CSMD3: variants seen among roughly 807,000 people sequenced by gnomAD.
CSMD3 encodes the protein CUB and sushi domain-containing protein 3.
A neutral mutation model predicts 435.2 loss-of-function variants in CSMD3; 177 were observed. The observed-to-expected ratio is 0.41, with a 90% CI of 0.36 to 0.46. The LOEUF is 0.46. Among genes scored for constraint, CSMD3 ranks in the 20% least tolerant of loss-of-function variants. The pLI, the probability that CSMD3 is intolerant of heterozygous loss-of-function variation, is 0.34. For missense variants in CSMD3, 4,265 were observed against 4,504.6 expected, an observed-to-expected ratio of 0.95 and a Z score of 1.52; for synonymous variants, 1,656 against 1,520.5, an observed-to-expected ratio of 1.09 and a Z score of -2.07.
At chr8:112,743,235 G>A (rs1235319953) in intron 13 of CSMD3, among the ~76,000 whole-genome samples, 1 of 151,342 alleles carries the variant, frequency 6.6e-6, no homozygotes, top group South Asian at 2.1e-4. Flanking sequence ...GTGGAAAATA[G>A]TTTAAAATAA....
chr8:112,487,651 A>G (rs999954746), intron 31 of CSMD3, among the ~76,000 whole-genome samples: 1 of 152,176 alleles, frequency 6.6e-6, no homozygotes, highest in Non-Finnish European at 1.5e-5. Flanking sequence ...AGAACAAAGG[A>G]AGGAGAAAAA....
chr8:112,516,475 T>C (rs1025960826), intron 28 of CSMD3, among the ~76,000 whole-genome samples: 5 of 152,132 alleles, frequency 3.3e-5, no homozygotes, highest in Non-Finnish European at 7.4e-5. Flanking sequence ...TTGTTTTAAT[T>C]TTCTAGAGTC....
At chr8:113,317,549 T>A (rs2093919393) in intron 1 of CSMD3, among the ~76,000 whole-genome samples, 1 of 152,222 alleles carries the variant, frequency 6.6e-6, no homozygotes, top group Non-Finnish European at 1.5e-5. Context: ...TCTGTATTCT[T>A]CTTTTTACTT....
rs2087786672 is a variant in CSMD3, at chr8:113,045,376, T to C, written c.918-26197A>G. On this transcript the variant is annotated intron_variant, in intron 5 of 70. Coordinates refer to ENST00000297405, the MANE Select transcript of CSMD3 (RefSeq NM_198123.2). ...TTTCAACCAAAACGTCTCACGTTAT[T>C]GTCTTTTTGTCCTAACACAAACTTT... Among the ~76,000 whole-genome samples, 7 of 149,250 alleles carry C rather than the reference T, an allele frequency of 4.7e-5. No individual in the cohort carries two copies. In the South Asian group the frequency reaches 1.5e-3, roughly 32 times the overall value.
intron 3 of CSMD3, among the ~76,000 whole-genome samples, chr8:113,197,558 T>C (rs1355565195): frequency 6.6e-6 from 1 of 151,200 alleles, no homozygotes; most frequent in Non-Finnish European, 1.5e-5. Context: ...TGTAATGATG[T>C]TGAGTCCACT....
chr8:113,001,884 T>G (rs1452355214), intron 6 of CSMD3, among the ~76,000 whole-genome samples: 2 of 151,972 alleles, frequency 1.3e-5, no homozygotes, highest in Non-Finnish European at 2.9e-5. Flanking sequence ...GCAAAGTACA[T>G]AGTACATTGT....
At position 113,156,492 on chromosome 8, in the gene CSMD3, T is replaced by C. The variant is rs187756356; in HGVS notation, c.709+17230A>G. 3.8e-3 allele frequency among the ~76,000 whole-genome samples: 585 copies of C among 152,012 alleles called. 8 individuals are homozygous for C. Among genetic ancestry groups the C allele is most frequent in the African/African-American group, 0.014 (563 of 41,522 alleles). On this transcript the variant is annotated intron_variant, in intron 4 of 70. Coordinates refer to ENST00000297405, the MANE Select transcript of CSMD3 (RefSeq NM_198123.2). ...ATATCTGTATCCCCAATGCCTAGCA[T>C]ACTAAAAAAAAATTAATATATTGTT...
At chr8:113,227,316 A>T (rs1247736000) in intron 3 of CSMD3, among the ~76,000 whole-genome samples, 1 of 151,640 alleles carries the variant, frequency 6.6e-6, no homozygotes, top group Non-Finnish European at 1.5e-5. Flanking sequence ...ATTCTAGGAC[A>T]TGTGCCTTAC....
At chr8:112,888,854 T>G (rs2081691668) in intron 10 of CSMD3, among the ~76,000 whole-genome samples, 1 of 151,570 alleles carries the variant, frequency 6.6e-6, no homozygotes, top group South Asian at 2.1e-4. Context: ...GAGGTGCACC[T>G]GCATGAAACT....
intron 10 of CSMD3, among the ~76,000 whole-genome samples, chr8:112,869,420 T>C (rs1257222748): frequency 6.6e-6 from 1 of 152,194 alleles, no homozygotes; most frequent in African/African-American, 2.4e-5. Context: ...TCAAATATTA[T>C]TTCTGGGTAT....
chr8:113,400,806 G>A (rs1392357286), intron 1 of CSMD3, among the ~76,000 whole-genome samples: 1 of 151,824 alleles, frequency 6.6e-6, no homozygotes, highest in Non-Finnish European at 1.5e-5. Context: ...TGGTTAAATA[G>A]AGCTCCCCTA....
chr8:112,480,184 C>A (rs1406979220), intron 31 of CSMD3, among the ~76,000 whole-genome samples: 2 of 152,164 alleles, frequency 1.3e-5, no homozygotes, highest in African/African-American at 2.4e-5. Context: ...AGAATATTGA[C>A]CCTTTCTTTG....
At chr8:113,203,310 T>C (rs1020294037) in intron 3 of CSMD3, among the ~76,000 whole-genome samples, 2 of 152,134 alleles carry the variant, frequency 1.3e-5, no homozygotes, top group Non-Finnish European at 2.9e-5. Context: ...TTTATTTACT[T>C]ATTTCCTGAG....
At chr8:113,425,390 T>C (rs1331560493) in intron 1 of CSMD3, among the ~76,000 whole-genome samples, 1 of 151,474 alleles carries the variant, frequency 6.6e-6, no homozygotes, top group African/African-American at 2.4e-5. Context: ...TGAAATTGCT[T>C]TTGAAAGCAT....
chr8:113,051,982 G>T (rs1356626631), intron 5 of CSMD3, among the ~76,000 whole-genome samples: 1 of 152,036 alleles, frequency 6.6e-6, no homozygotes, highest in Non-Finnish European at 1.5e-5. Flanking sequence ...ATCTGTTTCT[G>T]GTACTTGTTT....
chr8:113,312,042 TTGATCCAATAC>T (rs1414234366), intron 2 of CSMD3: 1 of 152,112 alleles, frequency 6.6e-6, no homozygotes, highest in Non-Finnish European at 1.5e-5. Flanking sequence ...CTTACTAAAT[TTGATCCAATAC>T]TGCTAAGAAA....
chr8:113,246,878 C>A (rs931800163), intron 3 of CSMD3, among the ~76,000 whole-genome samples: 2 of 152,092 alleles, frequency 1.3e-5, no homozygotes, highest in Non-Finnish European at 2.9e-5. Context: ...TTCCTTGAAC[C>A]AGTAAATCTT....
At chr8:112,908,059 G>A (rs1423671455) in intron 10 of CSMD3, among the ~76,000 whole-genome samples, 7 of 151,488 alleles carry the variant, frequency 4.6e-5, no homozygotes, top group Admixed American at 1.3e-4. Context: ...GCCAAGTTCT[G>A]TAGTTAAAGT....
chr8:113,395,503 G>C (rs1042858992), intron 1 of CSMD3, among the ~76,000 whole-genome samples: 4 of 151,742 alleles, frequency 2.6e-5, no homozygotes, highest in Non-Finnish European at 5.9e-5. Context: ...CAGCTATTCG[G>C]GAGGCTGAGG....
Sources: gnomAD v4.1 joint callset for allele counts (sites outside exome capture counted in the v4.1 genomes callset) on GRCh38, gnomAD v4.1.1 for gene constraint, MANE v1.5 for transcripts, NCBI Gene and HGNC (gene_info 2026-07-23, HGNC 2026-07-21) for gene names.